Variants in UNC13B observed in about 807,000 individuals in gnomAD.
UNC13B encodes unc-13 homolog B.
Under a neutral mutation model 211.0 loss-of-function variants are expected in UNC13B, and 144 were observed. The observed-to-expected ratio is 0.68, with a 90% confidence interval of 0.60 to 0.78. The LOEUF (loss-of-function observed/expected upper bound fraction) is 0.78, where lower values mean the gene tolerates loss of function less well. Ranked by LOEUF, UNC13B falls within the 30% of genes least tolerant of loss-of-function variation. The pLI, the probability that UNC13B is intolerant of heterozygous loss-of-function variation, is 0.00. For synonymous variants in UNC13B, 709 were observed against 725.8 expected, an observed-to-expected ratio of 0.98 and a Z score of 0.37; for missense variants, 1,777 against 2,002.0, an observed-to-expected ratio of 0.89 and a Z score of 2.14.
At position 35,300,606 on chromosome 9, in the gene UNC13B, C is replaced by T; in HGVS notation, c.1202C>T (p.Ser401Phe). Residue 401 changes from serine to phenylalanine, a missense_variant, in exon 9 of 40, where the codon TCC (serine) becomes TTC (phenylalanine). Physicochemically the swap from Ser to Phe is radical, Grantham distance 155. Transcript: ENST00000635942. Reference protein sequence around the residue: ...ENLQSPTWHSSNVHHIGDFPE... With the variant: ...ENLQSPTWHSFNVHHIGDFPE... ...TTACAGTCACCAACATGGCATTCAT[C>T]CAATGTCCACCATATTGGAGATTTT... 1 of 399,018 alleles carries T rather than the reference C, an allele frequency of 2.5e-6. No homozygotes were observed. The highest frequency in any genetic ancestry group is 3.6e-5 in the East Asian group (1 of 28,074). 24.7% of individuals were successfully genotyped at this position (399,018 alleles called of 1,614,324 possible).
chr9:35,241,557 GCACACACACACACACACACA>G (rs3067420), intron 5 of UNC13B, among the ~76,000 whole-genome samples: 2 of 144,946 alleles, frequency 1.4e-5, no homozygotes, highest in African/African-American at 2.5e-5. Context: ...CTGAATATAA[GCACACACACACACACACACA>G]CACACACACA....
chr9:35,386,153 T>A lies in UNC13B; in HGVS notation c.10966-12T>A, dbSNP rs1835175298. ...AGGTCCTTGGGCCCATATTTCTTCT[T>A]TTAATTGGCAGGTACAAGAACTGCA... is the stretch of plus-strand genomic sequence containing the variant. On this transcript the variant is annotated splice_polypyrimidine_tract_variant and intron_variant, in intron 23 of 39. Transcript: ENST00000635942. 1 of 1,614,052 alleles carries A rather than the reference T, an allele frequency of 6.2e-7. No individual in the cohort carries two copies. Among genetic ancestry groups the A allele is most frequent in the Non-Finnish European group, 8.5e-7 (1 of 1,179,950 alleles).
At chr9:35,360,420 T>C (rs1833332961) in intron 11 of UNC13B, 1 of 152,358 alleles carries the variant, frequency 6.6e-6, no homozygotes, top group African/African-American at 2.4e-5. Context: ...ATTTACCCAG[T>C]GTGGAGTTGT....
intron 11 of UNC13B, among the ~76,000 whole-genome samples, chr9:35,321,551 G>A (rs1830738280): frequency 6.6e-6 from 1 of 151,992 alleles, no homozygotes; most frequent in African/African-American, 2.4e-5. Flanking sequence ...GCTGTGATGA[G>A]CATCATTGTG....
At chr9:35,211,366 G>A (rs1823955865) in intron 1 of UNC13B, among the ~76,000 whole-genome samples, 1 of 152,032 alleles carries the variant, frequency 6.6e-6, no homozygotes, top group African/African-American at 2.4e-5. Context: ...TGTGTGTCAG[G>A]TCTTAAGTCT....
intron 2 of UNC13B, among the ~76,000 whole-genome samples, chr9:35,230,736 G>A (rs1825152967): frequency 6.6e-6 from 1 of 151,910 alleles, no homozygotes; most frequent in Non-Finnish European, 1.5e-5. Flanking sequence ...TGGCAAGTGG[G>A]CTATATAATT....
At chr9:35,330,522 A>G (rs756163823) in intron 11 of UNC13B, among the ~76,000 whole-genome samples, 12 of 152,340 alleles carry the variant, frequency 7.9e-5, no homozygotes, top group Middle Eastern at 6.8e-3. Flanking sequence ...GATGACTCCA[A>G]TGAGGCTATT....
intron 5 of UNC13B, among the ~76,000 whole-genome samples, chr9:35,238,586 T>C (rs940377767): frequency 2.0e-5 from 3 of 150,898 alleles, no homozygotes; most frequent in Non-Finnish European, 4.4e-5. Context: ...TGAGATGGAG[T>C]CTTGCTCTGC....
intron 13 of UNC13B, among the ~76,000 whole-genome samples, chr9:35,374,306 GGC>G (rs1834247672): frequency 9.1e-6 from 1 of 110,212 alleles, no homozygotes; most frequent in Non-Finnish European, 1.7e-5. Context: ...TGGCTAGCAA[GGC>G]AGCCCCAGCT....
intron 11 of UNC13B, among the ~76,000 whole-genome samples, chr9:35,332,123 A>G (rs935361980): frequency 3.9e-5 from 6 of 152,154 alleles, no homozygotes; most frequent in African/African-American, 1.4e-4. Flanking sequence ...CTGGGACTAC[A>G]GGCATGAGCC....
At chr9:35,380,684 G>A in intron 18 of UNC13B, 45 bp downstream of exon 18, 1 of 1,611,812 alleles carries the variant, frequency 6.2e-7, no homozygotes, top group Non-Finnish European at 8.5e-7. Context: ...GGGAAAGCAT[G>A]AAGGGGACCT....
chr9:35,197,579 A>C (rs1823015416), intron 1 of UNC13B, among the ~76,000 whole-genome samples: 1 of 152,130 alleles, frequency 6.6e-6, no homozygotes, highest in African/African-American at 2.4e-5. Context: ...AATATGTGAT[A>C]CGGTTTGGAT....
At chr9:35,349,610 G>C (rs996627404) in intron 11 of UNC13B, among the ~76,000 whole-genome samples, 1 of 152,160 alleles carries the variant, frequency 6.6e-6, no homozygotes. Flanking sequence ...GGATGGATAG[G>C]GTTCTTAGAT....
intron 1 of UNC13B, among the ~76,000 whole-genome samples, chr9:35,187,557 T>C (rs1489748995): frequency 1.3e-5 from 2 of 152,260 alleles, no homozygotes; most frequent in African/African-American, 4.8e-5. Context: ...TTGTGTTGTT[T>C]GTATAATAAA....
At chr9:35,257,824 T>C (rs1827023233) in intron 6 of UNC13B, among the ~76,000 whole-genome samples, 1 of 152,140 alleles carries the variant, frequency 6.6e-6, no homozygotes, top group Non-Finnish European at 1.5e-5. Context: ...TCACCACTGA[T>C]ACTCATAAGA....
intron 1 of UNC13B, among the ~76,000 whole-genome samples, chr9:35,188,816 A>G (rs1158067607): frequency 6.6e-6 from 1 of 152,232 alleles, no homozygotes. Context: ...CCCTTGCATT[A>G]GTTAATTAAT....
rs780217701 is a variant in UNC13B at position 35,310,757 on chromosome 9, A to T, written c.9299A>T (p.Asp3100Val). ...CCCCCAGATCTGGTGCTGCAAAAAGACCACTTCCTAGGTCCCCAGGAGAGG... is the reference window on the plus strand; with the variant it reads ...CCCCCAGATCTGGTGCTGCAAAAAGTCCACTTCCTAGGTCCCCAGGAGAGG... The part of the protein sequence containing the change: ...HPPPDLVLQK[D>V]HFLGPQESFP... Residue 3100 changes from aspartate to valine, a missense_variant, in exon 10 of 40, where the codon GAC becomes GTC. Physicochemically the swap from Asp to Val is radical, Grantham distance 152 (BLOSUM62 -3). Coordinates refer to ENST00000635942, the MANE Select transcript of UNC13B (RefSeq NM_001371189.2). The T allele has an allele frequency of 6.2e-7, 1 of 1,613,776 alleles. No individual in the cohort carries two copies. The highest frequency in any genetic ancestry group is 1.1e-5 in the South Asian group (1 of 91,064).
intron 11 of UNC13B, among the ~76,000 whole-genome samples, chr9:35,315,247 C>G (rs1403487724): frequency 1.3e-5 from 2 of 151,848 alleles, no homozygotes; most frequent in Non-Finnish European, 2.9e-5. Context: ...GTGCAGGTAT[C>G]TTTTTGATAT....
In UNC13B at chr9:35,393,797, CT is replaced by C. The variant is rs556742328; in HGVS notation, c.11309-2678del. 3.0e-3 allele frequency among the ~76,000 whole-genome samples: 451 copies of C among 152,122 alleles called. 2 individuals carry two copies. The highest frequency in any genetic ancestry group is 0.01 in the African/African-American group (424 of 41,488). On this transcript the variant is annotated intron_variant, in intron 26 of 39. Coordinates refer to ENST00000635942, the MANE Select transcript of UNC13B (RefSeq NM_001371189.2). ...ATGTTGGCCAGTCTGGTCTTGAACCCTAGCCTCAAGTGATCCACCCCCCTCA... is the reference window on the plus strand; with the variant it reads ...ATGTTGGCCAGTCTGGTCTTGAACCCAGCCTCAAGTGATCCACCCCCCTCA...
Sources: allele counts gnomAD v4.1 joint callset (sites outside exome capture counted in the v4.1 genomes callset), GRCh38; gene constraint gnomAD v4.1.1; transcripts MANE v1.5; gene names NCBI Gene and HGNC (gene_info 2026-07-23, HGNC 2026-07-21).